The following BRCA2 variants were observed in gnomAD, a reference collection of about 807,000 sequenced individuals.
BRCA2 encodes breast cancer type 2 susceptibility protein.
A neutral mutation model predicts 276.7 loss-of-function variants in BRCA2; 203 were observed. The ratio of observed to expected loss-of-function variants is 0.73; its 90% CI spans 0.65 to 0.82. The LOEUF (loss-of-function observed/expected upper bound fraction) is 0.82, where lower values mean the gene tolerates loss of function less well. Ranked by LOEUF, BRCA2 falls within the 40% of genes least tolerant of loss-of-function variation. The probability of loss-of-function intolerance (pLI) is 0.00; values close to 1 mark genes in which losing one functional copy is unlikely to be tolerated. For missense variants in BRCA2, 3,920 were observed against 3,915.0 expected (o/e 1.00, Z -0.03); for synonymous variants, 1,289 against 1,338.4 (o/e 0.96, Z 0.81).
rs398122570 is a variant in BRCA2 at position 32,344,638 on chromosome 13, A to G, written c.6922A>G (p.Lys2308Glu). ...TCAAGAAAAATCCTTAAAGGCTTCA[A>G]AAAGCACTCCAGATGGTAAAATTAG... The part of the protein sequence containing the change: ...ENQEKSLKAS[K>E]STPDGTIKDR... The change falls in exon 12 of 27, where the codon AAA becomes GAA. Residue 2308 changes from lysine (K) to glutamate (E), a missense_variant. Lys to Glu is a moderately conservative substitution (Grantham distance 56, BLOSUM62 1). This residue lies in a region of BRCA2 where 3,263 missense variants were observed against 3,156.9 expected (regional missense o/e 1.03). Transcript: ENST00000380152. 8.9e-6 allele frequency: 14 copies of G among 1,571,176 alleles called. No homozygotes were observed. Among genetic ancestry groups the G allele is most frequent in the East Asian group, 2.2e-5 (1 of 44,540 alleles).
rs146808879 is a variant in BRCA2 at position 32,349,878 on chromosome 13, G to A, written c.7007+2982G>A. Among the ~76,000 whole-genome samples the A allele has an allele frequency of 3.6e-3, 538 of 150,262 alleles. 2 individuals carry two copies. The highest frequency in any genetic ancestry group is 5.5e-3 in the Non-Finnish European group (376 of 67,752). ...GAAGCTGGGCAACTGTCTCCTGCCC[G>A]CTCTATGAAAAGAACCAGAGGCTTA... On this transcript the variant is annotated intron_variant, in intron 13 of 26. Coordinates refer to ENST00000380152, the MANE Select transcript of BRCA2 (RefSeq NM_000059.4).
At position 32,398,578 on chromosome 13, in the gene BRCA2, T is replaced by G. The variant is rs752218391; in HGVS notation, c.10065T>G (p.Gly3355=). The part of the protein sequence containing the change: ...ALINTQALLS[G]STGEKQFISV... ...TAAATACCCAAGCTCTTTTGTCTGG[T>G]TCAACAGGAGAAAAACAATTTATAT... Residue 3355 remains glycine, a synonymous_variant, in exon 27 of 27, where the codon GGT becomes GGG. Coordinates refer to ENST00000380152, the MANE Select transcript of BRCA2 (RefSeq NM_000059.4). The G allele has an allele frequency of 1.2e-6, 2 of 1,614,168 alleles. No homozygotes were observed. The highest frequency in any genetic ancestry group is 1.7e-6 in the Non-Finnish European group (2 of 1,180,022).
chr13:32,357,122 C>G (rs1398099867), intron 15 of BRCA2, among the ~76,000 whole-genome samples: 5 of 152,168 alleles, frequency 3.3e-5, no homozygotes, highest in Non-Finnish European at 7.4e-5. Context: ...TTGCTTAATC[C>G]TCACAGTCAC....
At chr13:32,379,557 T>TA (rs759074191) in intron 22 of BRCA2, 42 bp downstream of exon 22, 4 of 1,592,518 alleles carry the variant, frequency 2.5e-6, no homozygotes, top group African/African-American at 1.4e-5. Flanking sequence ...TTTATTAACT[T>TA]AAAAAATGAC....
At chr13:32,377,566 G>A (rs1429404487) in intron 21 of BRCA2, among the ~76,000 whole-genome samples, 1 of 136,078 alleles carries the variant, frequency 7.3e-6, no homozygotes, top group African/African-American at 2.8e-5. Flanking sequence ...CTCCAGCCTA[G>A]GCAACAAGAG....
rs397838402 is a variant in BRCA2 at position 32,395,960 on chromosome 13, C to CTTTTTTTTTTTTTTTTTT, written c.9502-927_9502-910dup. 5.1e-4 allele frequency: 40 copies of CTTTTTTTTTTTTTTTTTT among 79,202 alleles called. 2 individuals carry two copies. The highest frequency in any genetic ancestry group is 7.2e-4 in the African/African-American group (8 of 11,134). 4.9% of individuals were successfully genotyped at this position (79,202 alleles called of 1,614,324 possible). Reference sequence around the variant, plus strand: ...CCACATTTTCTTTTTTTCTTTCTTTCTTTTTTTTTTTTTTTTTTTTTTTTT... The same window carrying CTTTTTTTTTTTTTTTTTT: ...CCACATTTTCTTTTTTTCTTTCTTTCTTTTTTTTTTTTTTTTTTTTTTTTTTTTTTTTTTTTTTTTTTT... On this transcript the variant is annotated intron_variant, in intron 25 of 26. Coordinates refer to ENST00000380152, the MANE Select transcript of BRCA2 (RefSeq NM_000059.4).
chr13:32,375,183 G>T (rs988572031), intron 20 of BRCA2, among the ~76,000 whole-genome samples: 1 of 152,230 alleles, frequency 6.6e-6, no homozygotes, highest in Non-Finnish European at 1.5e-5. Context: ...CTCGACACGT[G>T]AGGATTACCG....
chr13:32,333,787 A>G (rs980072973), intron 10 of BRCA2, among the ~76,000 whole-genome samples: 2 of 151,822 alleles, frequency 1.3e-5, no homozygotes, highest in African/African-American at 4.8e-5. Context: ...CCACCTCCTG[A>G]CAGACCCTAG....
In BRCA2 at chr13:32,333,398, C is replaced by CTT. The variant is rs276174816; in HGVS notation, c.1909+21_1909+22dup. 3.1e-5 allele frequency: 39 copies of CTT among 1,253,508 alleles called. No individual in the cohort carries two copies. Among genetic ancestry groups the CTT allele is most frequent in the African/African-American group, 1.2e-4 (8 of 65,228 alleles). The allele number at this position is 1,253,508 out of a possible 1,614,324, so 77.6% of individuals were successfully genotyped here. ...CAAATGCTGATTCAGGTACCTCTGT[C>CTT]TTTTTTTTTTTGTAAATAGTACATA... On this transcript the variant is annotated intron_variant, in intron 10 of 26. Coordinates refer to ENST00000380152, the MANE Select transcript of BRCA2 (RefSeq NM_000059.4).
chr13:32,341,319 G>A, intron 11 of BRCA2, 123 bp downstream of exon 11: 2 of 1,387,332 alleles, frequency 1.4e-6, no homozygotes, highest in Non-Finnish European at 2.0e-6. Context: ...TTTTTGTGTA[G>A]TCAGTTTGGG....
intron 3 of BRCA2, among the ~76,000 whole-genome samples, chr13:32,320,518 A>G (rs1392759644): frequency 2.0e-5 from 3 of 151,924 alleles, no homozygotes; most frequent in Non-Finnish European, 2.9e-5. Flanking sequence ...CTTTTTCCCT[A>G]CTTTTTGTCT....
chr13:32,358,147 T>A (rs1318235208), intron 16 of BRCA2, among the ~76,000 whole-genome samples: 5 of 152,188 alleles, frequency 3.3e-5, no homozygotes, highest in Non-Finnish European at 7.3e-5. Flanking sequence ...TTTGGGACAT[T>A]TTTCTTAGGC....
intron 6 of BRCA2, 79 bp from the exon 7 acceptor site, chr13:32,326,420 A>G: frequency 2.1e-6 from 3 of 1,444,814 alleles, no homozygotes; most frequent in Non-Finnish European, 1.9e-6. Flanking sequence ...GTTAAGTGAA[A>G]TAAAGAGTGA....
chr13:32,344,553 T>C lies in BRCA2; in HGVS notation c.6842-5T>C, dbSNP rs1566236841. The stretch of plus-strand genomic sequence containing the variant: ...TAAAAACATATATGAAATATTTCTT[T>C]TTAGGAGAACCCTCAATCAAAAGAA... On this transcript the variant is annotated splice_polypyrimidine_tract_variant and splice_region_variant and intron_variant, in intron 11 of 26. Transcript: ENST00000380152. 6.7e-7 allele frequency: 1 copy of C among 1,503,204 alleles called. No homozygotes were observed. The highest frequency in any genetic ancestry group is 2.3e-5 in the East Asian group (1 of 44,222). The allele number at this position is 1,503,204 out of a possible 1,614,324, so 93.1% of individuals were successfully genotyped here.
At position 32,337,211 on chromosome 13, in the gene BRCA2, AGAG is replaced by A. The variant is rs80359360; in HGVS notation, c.2860_2862del (p.Glu954del). 6 of 1,613,252 alleles carry A rather than the reference AGAG, an allele frequency of 3.7e-6. No homozygotes were observed. The highest frequency in any genetic ancestry group is 1.1e-5 in the South Asian group (1 of 90,824). On this transcript the variant is annotated inframe_deletion, in exon 11 of 27. Transcript: ENST00000380152. ...AAAAAGATTTGGTTTATGTTCTTGC[AGAG>A]GAGAACAAAAATAGTGTAAAGCAGC...
intron 24 of BRCA2, among the ~76,000 whole-genome samples, chr13:32,386,289 T>C (rs1437085614): frequency 1.3e-5 from 2 of 152,052 alleles, no homozygotes; most frequent in Non-Finnish European, 2.9e-5. Flanking sequence ...ACACCTGTAA[T>C]CCCAGCTACT....
Position 32,330,132 on chromosome 13 carries a change from A to T in BRCA2, c.681+640A>T, listed in dbSNP as rs375158459. ...GGCTTGGTGTCATTCATTTCAGGGG[A>T]TCCCTTACTGAAGTTTTCGTTTAGG... On this transcript the variant is annotated intron_variant, in intron 8 of 26. Transcript: ENST00000380152. Among the ~76,000 whole-genome samples, 3 of 152,126 alleles carry T rather than the reference A, an allele frequency of 2.0e-5. No individual in the cohort carries two copies. The East Asian group carries it at 5.8e-4, about 29-fold the overall frequency.
At chr13:32,318,695 C>T (rs2072281188) in intron 2 of BRCA2, among the ~76,000 whole-genome samples, 1 of 152,186 alleles carries the variant, frequency 6.6e-6, no homozygotes, top group Non-Finnish European at 1.5e-5. Context: ...GCCTCAGCCT[C>T]CCAAAGTGTT....
rs2137501280 is a variant in BRCA2, at chr13:32,338,276, A to G, written c.3921A>G (p.Glu1307=). The G allele has an allele frequency of 6.4e-7, 1 of 1,568,968 alleles. No homozygotes were observed. The part of the protein sequence containing the change: ...NIEMTTGTFV[E]EITENYKRNT... Reference sequence around the variant, plus strand: ...AAATGACTACTGGCACTTTTGTTGAAGAAATTACTGAAAATTACAAGAGAA... The same window carrying G: ...AAATGACTACTGGCACTTTTGTTGAGGAAATTACTGAAAATTACAAGAGAA... The change falls in exon 11 of 27, where the codon GAA becomes GAG. Residue 1307 remains glutamate, a synonymous_variant. Transcript: ENST00000380152.
Sources: allele counts gnomAD v4.1 joint callset (sites outside exome capture counted in the v4.1 genomes callset), GRCh38; gene constraint gnomAD v4.1.1; regional missense constraint gnomAD v4.1.1; transcripts MANE v1.5; gene names NCBI Gene and HGNC (gene_info 2026-07-23, HGNC 2026-07-21).